The following SNTG1 variants were observed in gnomAD, a reference collection of about 807,000 sequenced individuals.
SNTG1 encodes gamma-1-syntrophin.
Under a neutral mutation model 74.7 loss-of-function variants are expected in SNTG1, and 39 were observed. That is an observed-to-expected ratio of 0.52 (90% CI 0.40 to 0.68). The LOEUF (loss-of-function observed/expected upper bound fraction) is 0.68. SNTG1 is among the 30% of genes least tolerant of loss of function. SNTG1 has a pLI of 0.00. For synonymous variants in SNTG1, 254 were observed against 217.1 expected, an observed-to-expected ratio of 1.17 and a Z score of -1.49; for missense variants, 685 against 609.5, an observed-to-expected ratio of 1.12 and a Z score of -1.30.
chr8:50,248,369 C>T (rs1407882416), intron 2 of SNTG1, among the ~76,000 whole-genome samples: 5 of 152,174 alleles, frequency 3.3e-5, no homozygotes, highest in African/African-American at 1.2e-4. Flanking sequence ...AATTTCTCTT[C>T]AGCCATATTA....
intron 17 of SNTG1, 159 bp downstream of exon 17, chr8:50,709,137 A>G (rs1024817850): frequency 1.7e-6 from 1 of 604,934 alleles, no homozygotes; most frequent in African/African-American, 1.8e-5. Flanking sequence ...TTCGATCTGA[A>G]AAAAAGTTTG....
chr8:50,556,800 C>A (rs929019451), intron 12 of SNTG1, among the ~76,000 whole-genome samples: 2 of 152,146 alleles, frequency 1.3e-5, no homozygotes, highest in Admixed American at 1.3e-4. Context: ...TGTGCGTTGG[C>A]TCCATAGTGA....
At chr8:50,444,764 A>AAAAAAAAAAAAAAAG (rs71233494) in intron 5 of SNTG1, among the ~76,000 whole-genome samples, 2 of 140,240 alleles carry the variant, frequency 1.4e-5, no homozygotes, top group African/African-American at 2.7e-5. Flanking sequence ...AAAAAAAAAA[A>AAAAAAAAAAAAAAAG]AAAGAAAGAG....
At chr8:50,406,871 C>T (rs1172114407) in intron 4 of SNTG1, among the ~76,000 whole-genome samples, 1 of 152,078 alleles carries the variant, frequency 6.6e-6, no homozygotes, top group East Asian at 1.9e-4. Flanking sequence ...CTTCCTGGGA[C>T]CCCTGTCCCG....
chr8:50,033,192 C>T (rs1037564096), intron 1 of SNTG1, among the ~76,000 whole-genome samples: 3 of 150,816 alleles, frequency 2.0e-5, no homozygotes, highest in Admixed American at 1.3e-4. Flanking sequence ...GGCACTATGT[C>T]AGCTCACCAC....
intron 12 of SNTG1, among the ~76,000 whole-genome samples, chr8:50,584,234 T>G (rs146296632): frequency 7.2e-6 from 1 of 139,574 alleles, no homozygotes; most frequent in African/African-American, 2.7e-5. Context: ...AATAAATGTA[T>G]GTGTGCATGT....
intron 18 of SNTG1, among the ~76,000 whole-genome samples, chr8:50,776,691 C>A (rs1464987676): frequency 6.6e-6 from 1 of 151,554 alleles, no homozygotes. Flanking sequence ...CATATTCTTT[C>A]TTTCTTCCTA....
At chr8:50,719,825 G>GT (rs1163305720) in intron 17 of SNTG1, among the ~76,000 whole-genome samples, 1 of 152,078 alleles carries the variant, frequency 6.6e-6, no homozygotes, top group Non-Finnish European at 1.5e-5. Flanking sequence ...AATCTATAAT[G>GT]TTTGAGTTTT....
At chr8:50,530,986 G>A (rs776850104) in intron 10 of SNTG1, among the ~76,000 whole-genome samples, 59 of 152,162 alleles carry the variant, frequency 3.9e-4, no homozygotes, top group Admixed American at 6.5e-4. Flanking sequence ...CAGAGGTGAC[G>A]TTAAGCAGAA....
At chr8:49,974,103 G>A (rs1811967231) in intron 1 of SNTG1, among the ~76,000 whole-genome samples, 2 of 152,114 alleles carry the variant, frequency 1.3e-5, no homozygotes, top group Non-Finnish European at 2.9e-5. Flanking sequence ...GAGAATGAAT[G>A]TAAGTTACAA....
intron 1 of SNTG1, among the ~76,000 whole-genome samples, chr8:50,131,263 T>G (rs1281710363): frequency 1.3e-5 from 2 of 152,156 alleles, no homozygotes; most frequent in Non-Finnish European, 2.9e-5. Flanking sequence ...CATTATATTT[T>G]GACCTGGAAT....
intron 2 of SNTG1, among the ~76,000 whole-genome samples, chr8:50,180,948 G>A (rs2083184970): frequency 6.6e-6 from 1 of 151,934 alleles, no homozygotes; most frequent in South Asian, 2.1e-4. Context: ...ATTTTTAGTA[G>A]AGATGGGGTT....
intron 1 of SNTG1, among the ~76,000 whole-genome samples, chr8:50,171,509 A>G (rs768541204): frequency 6.6e-6 from 1 of 152,152 alleles, no homozygotes; most frequent in African/African-American, 2.4e-5. Flanking sequence ...CATCCAGATT[A>G]AGGGTGGGTC....
chr8:50,314,134 A>T (rs1269925156), intron 2 of SNTG1, among the ~76,000 whole-genome samples: 5 of 149,658 alleles, frequency 3.3e-5, no homozygotes, highest in African/African-American at 1.2e-4. Flanking sequence ...AGGCCCCTTC[A>T]GTGGACAGTT....
At chr8:50,064,368 C>T (rs1820728106) in intron 1 of SNTG1, among the ~76,000 whole-genome samples, 1 of 152,148 alleles carries the variant, frequency 6.6e-6, no homozygotes, top group African/African-American at 2.4e-5. Flanking sequence ...TTCATTCTCT[C>T]TCTCCAGATC....
At chr8:50,219,954 C>T (rs185191034) in intron 2 of SNTG1, among the ~76,000 whole-genome samples, 1 of 152,244 alleles carries the variant, frequency 6.6e-6, no homozygotes, top group Non-Finnish European at 1.5e-5. Flanking sequence ...AAGTTTAATT[C>T]ACCAGGAGGG....
rs554593311 is a variant in SNTG1 at position 50,794,688 on chromosome 8, A to C, written c.*1859A>C. On this transcript the variant is annotated 3_prime_UTR_variant, in exon 19 of 19. Coordinates refer to ENST00000642720, the MANE Select transcript of SNTG1 (RefSeq NM_018967.5). ...CGAACTTAGAATTTTCAGCTGTGGC[A>C]AGTGGTTCATTATGGAACTTCTGCT... 2 of 152,150 alleles carry C rather than the reference A, an allele frequency of 1.3e-5. No individual in the cohort carries two copies. Among genetic ancestry groups the C allele is most frequent in the South Asian group, 4.1e-4 (2 of 4,830 alleles). The allele number at this position is 152,150 out of a possible 1,614,324, so 9.4% of individuals were successfully genotyped here.
At chr8:50,396,257 A>G (rs953833593) in intron 3 of SNTG1, among the ~76,000 whole-genome samples, 1 of 152,218 alleles carries the variant, frequency 6.6e-6, no homozygotes, top group Admixed American at 6.5e-5. Context: ...ATAGCTAAAT[A>G]TTGCTGAAGT....
At chr8:50,432,012 CA>C (rs1159608204) in intron 4 of SNTG1, among the ~76,000 whole-genome samples, 2 of 152,116 alleles carry the variant, frequency 1.3e-5, no homozygotes, top group Admixed American at 6.6e-5. Context: ...TTTCACAAAG[CA>C]AAGTTATTAA....
Sources: allele counts gnomAD v4.1 joint callset (sites outside exome capture counted in the v4.1 genomes callset), GRCh38; gene constraint gnomAD v4.1.1; transcripts MANE v1.5; gene names NCBI Gene and HGNC (gene_info 2026-07-23, HGNC 2026-07-21).